Variants in FLI1 observed in about 807,000 individuals in gnomAD.
FLI1 encodes the protein Friend leukemia integration 1 transcription factor.
Under a neutral mutation model 53.1 loss-of-function variants are expected in FLI1, and 13 were observed. That is an observed-to-expected ratio of 0.24 (90% CI 0.16 to 0.39). FLI1 has a LOEUF of 0.39. Ranked by LOEUF, FLI1 falls within the 10% of genes least tolerant of loss-of-function variation. FLI1 has a pLI of 1.00. For synonymous variants in FLI1, 244 were observed against 236.7 expected, an observed-to-expected ratio of 1.03 and a Z score of -0.28; for missense variants, 424 against 600.5, an observed-to-expected ratio of 0.71 and a Z score of 3.07.
chr11:128,729,327 C>T (rs929776958), intron 1 of FLI1, among the ~76,000 whole-genome samples: 40 of 152,210 alleles, frequency 2.6e-4, no homozygotes, highest in African/African-American at 9.4e-4. Context: ...TGCTGGCAAC[C>T]CTTCTCTCAG....
intron 5 of FLI1, among the ~76,000 whole-genome samples, chr11:128,784,335 T>G (rs1942021229): frequency 1.3e-5 from 2 of 151,432 alleles, no homozygotes; most frequent in Admixed American, 1.3e-4. Context: ...GGCCCTTTTG[T>G]GTTTAGGGAG....
intron 1 of FLI1, among the ~76,000 whole-genome samples, chr11:128,727,625 GAGA>G (rs369665941): frequency 6.6e-5 from 10 of 152,372 alleles, no homozygotes; most frequent in African/African-American, 2.4e-4. Flanking sequence ...CCATCTGATT[GAGA>G]AGGAGGTGCA....
At chr11:128,693,941 CGAGAGAGAGAGAGA>C (rs57930585), upstream of FLI1, 6,325 of 176,128 alleles carry the variant, frequency 0.036, 63 homozygotes, top group South Asian at 0.047. Context: ...GAGCTCGAGG[CGAGAGAGAGAGAGA>C]GAGAGAGAGA....
At chr11:128,728,932 A>C (rs1464941450) in intron 1 of FLI1, among the ~76,000 whole-genome samples, 2 of 152,246 alleles carry the variant, frequency 1.3e-5, no homozygotes, top group African/African-American at 4.8e-5. Context: ...CGCCAGAGAC[A>C]CACCCTTCTG....
chr11:128,733,076 A>T (rs57638254), intron 1 of FLI1, among the ~76,000 whole-genome samples: 3,998 of 152,326 alleles, frequency 0.026, 174 homozygotes, highest in African/African-American at 0.091. Context: ...ATCAGGACTT[A>T]TCAGAGCCTT....
intron 5 of FLI1, among the ~76,000 whole-genome samples, chr11:128,799,037 A>T (rs12361743): frequency 0.043 from 5,552 of 130,500 alleles, 182 homozygotes; most frequent in African/African-American, 0.065. Context: ...TATTATTATT[A>T]TTATTATTAT....
In FLI1 at chr11:128,811,959, AT is replaced by A. The variant is rs1174104569; in HGVS notation, c.*979del. 10 of 200,878 alleles carry A rather than the reference AT, an allele frequency of 5.0e-5. No individual in the cohort carries two copies. Among genetic ancestry groups the A allele is most frequent in the East Asian group, 1.5e-4 (2 of 13,050 alleles). 12.4% of individuals were successfully genotyped at this position (200,878 alleles called of 1,614,324 possible). A position where few individuals can be genotyped will look rare whatever the true frequency, so the allele number is the denominator to read the frequency against. On this transcript the variant is annotated 3_prime_UTR_variant, in exon 9 of 9. Coordinates refer to ENST00000527786, the MANE Select transcript of FLI1 (RefSeq NM_002017.5). ...TTTTACTATCGAATCAATCGCTGTT[AT>A]TTTTTTTAATGTAATTTGTACATCT... is the stretch of plus-strand genomic sequence containing the variant.
chr11:128,720,247 AC>A (rs1232194469), intron 1 of FLI1, among the ~76,000 whole-genome samples: 1 of 152,098 alleles, frequency 6.6e-6, no homozygotes, highest in Non-Finnish European at 1.5e-5. Context: ...CTATATCACT[AC>A]TTCTGATGGA....
chr11:128,785,282 G>A (rs11827495), intron 5 of FLI1, among the ~76,000 whole-genome samples: 11,870 of 152,072 alleles, frequency 0.078, 1,566 homozygotes, highest in African/African-American at 0.27. Flanking sequence ...ACTGTCATCT[G>A]TAAAGGGTTT....
chr11:128,745,892 C>T (rs566367822), intron 1 of FLI1, among the ~76,000 whole-genome samples: 2 of 152,328 alleles, frequency 1.3e-5, no homozygotes, highest in South Asian at 2.1e-4. Context: ...GTAAGGGCCC[C>T]GGTTACCATG....
chr11:128,708,492 C>T (rs1317780785), intron 1 of FLI1, among the ~76,000 whole-genome samples: 1 of 152,094 alleles, frequency 6.6e-6, no homozygotes, highest in African/African-American at 2.4e-5. Flanking sequence ...AATGTGGGCA[C>T]CGGCTTGGGT....
At chr11:128,725,515 C>G (rs1939434561) in intron 1 of FLI1, among the ~76,000 whole-genome samples, 1 of 152,192 alleles carries the variant, frequency 6.6e-6, no homozygotes. Context: ...CCGCAAATGC[C>G]CACAAACCCT....
At chr11:128,732,149 G>A (rs1198154509) in intron 1 of FLI1, among the ~76,000 whole-genome samples, 1 of 152,218 alleles carries the variant, frequency 6.6e-6, no homozygotes, top group Non-Finnish European at 1.5e-5. Context: ...GCTGAGCCTT[G>A]TCTAAAATCC....
intron 1 of FLI1, among the ~76,000 whole-genome samples, chr11:128,725,347 A>G (rs956374959): frequency 1.3e-5 from 2 of 152,156 alleles, no homozygotes; most frequent in African/African-American, 4.8e-5. Context: ...GTGCATCCAC[A>G]TGCACACACA....
At chr11:128,731,798 T>A (rs775476816) in intron 1 of FLI1, among the ~76,000 whole-genome samples, 2 of 151,552 alleles carry the variant, frequency 1.3e-5, no homozygotes, top group African/African-American at 2.4e-5. Flanking sequence ...AGGTCAGGAG[T>A]TCGAGATCAG....
chr11:128,751,972 A>AT (rs925284294), intron 1 of FLI1, among the ~76,000 whole-genome samples: 1 of 150,664 alleles, frequency 6.6e-6, no homozygotes, highest in African/African-American at 2.4e-5. Flanking sequence ...TTTTTAAACA[A>AT]TTTTTTTCTT....
At chr11:128,724,266 C>T (rs684150) in intron 1 of FLI1, among the ~76,000 whole-genome samples, 62,575 of 151,850 alleles carry the variant, frequency 0.41, 13,283 homozygotes, top group South Asian at 0.47. Context: ...TTGAACATGA[C>T]TCAGAATTTA....
intron 4 of FLI1, among the ~76,000 whole-genome samples, chr11:128,777,952 T>C (rs1941792677): frequency 6.6e-6 from 1 of 152,180 alleles, no homozygotes; most frequent in Admixed American, 6.5e-5. Flanking sequence ...CTCACACTGC[T>C]CACTCCCCTC....
intron 1 of FLI1, among the ~76,000 whole-genome samples, chr11:128,712,767 G>A (rs1365563703): frequency 6.6e-6 from 1 of 152,186 alleles, no homozygotes; most frequent in Non-Finnish European, 1.5e-5. Flanking sequence ...AGTTATGGGA[G>A]CTTTGGGTGG....
Sources: allele counts gnomAD v4.1 joint callset (sites outside exome capture counted in the v4.1 genomes callset), GRCh38; gene constraint gnomAD v4.1.1; transcripts MANE v1.5; gene names NCBI Gene and HGNC (gene_info 2026-07-23, HGNC 2026-07-21).